Variants in GNAI1 observed in about 807,000 individuals in gnomAD.
GNAI1 encodes guanine nucleotide-binding protein G(i) subunit alpha-1.
In GNAI1, 11 loss-of-function variants were observed where a neutral mutation model predicts 38.9. The observed-to-expected ratio is 0.28, with a 90% CI of 0.18 to 0.47. The LOEUF (loss-of-function observed/expected upper bound fraction) is 0.47, where lower values mean the gene tolerates loss of function less well. GNAI1 is among the 20% of genes least tolerant of loss of function. The pLI is 0.99. For missense variants in GNAI1, 317 were observed against 436.9 expected (o/e 0.73, Z 2.45); for synonymous variants, 166 against 145.1 (o/e 1.14, Z -1.04).
chr7:80,202,741 C>T (rs920339477), intron 4 of GNAI1, among the ~76,000 whole-genome samples: 26 of 152,144 alleles, frequency 1.7e-4, no homozygotes, highest in African/African-American at 6.3e-4. Flanking sequence ...GTAATAAAAA[C>T]ACTGCGGTGA....
chr7:80,189,356 T>C (rs1208171426), intron 3 of GNAI1, 125 bp downstream of exon 3: 3 of 775,052 alleles, frequency 3.9e-6, no homozygotes, highest in East Asian at 2.6e-5. Flanking sequence ...ACCAAAAGGA[T>C]AGAAGTGAGT....
chr7:80,221,101 T>C lies in GNAI1; in HGVS notation c.*3608T>C, dbSNP rs192353635. On this transcript the variant is annotated 3_prime_UTR_variant, in exon 8 of 8. Transcript: ENST00000649796. Reference sequence around the variant, plus strand: ...AGATGGTAGCATCATCATTGCTTAGTGTGTTATGTTGGAAGTAGAAAGTGA... The same window carrying C: ...AGATGGTAGCATCATCATTGCTTAGCGTGTTATGTTGGAAGTAGAAAGTGA... Among the ~76,000 whole-genome samples, 1 of 152,252 alleles carries C rather than the reference T, an allele frequency of 6.6e-6. No homozygotes were observed. Among genetic ancestry groups the C allele is most frequent in the East Asian group, 1.9e-4 (1 of 5,176 alleles).
intron 1 of GNAI1, among the ~76,000 whole-genome samples, chr7:80,153,167 A>G (rs1787757960): frequency 1.3e-5 from 2 of 152,196 alleles, no homozygotes; most frequent in Admixed American, 1.3e-4. Context: ...CCTGCATGAT[A>G]GTGGTGGAGA....
chr7:80,149,441 T>G (rs1488576817), intron 1 of GNAI1, among the ~76,000 whole-genome samples: 2 of 152,152 alleles, frequency 1.3e-5, no homozygotes, highest in Admixed American at 6.5e-5. Context: ...TGGTCCAGTT[T>G]CTATCCCTAC....
At chr7:80,145,294 T>C (rs1186477488) in intron 1 of GNAI1, among the ~76,000 whole-genome samples, 1 of 152,224 alleles carries the variant, frequency 6.6e-6, no homozygotes, top group Non-Finnish European at 1.5e-5. Context: ...ATTGACTTTC[T>C]GATTGATATA....
chr7:80,173,868 G>GACA (rs1219176320), intron 1 of GNAI1, among the ~76,000 whole-genome samples: 41 of 152,262 alleles, frequency 2.7e-4, no homozygotes, highest in Admixed American at 8.5e-4. Flanking sequence ...CCCAGTGTCT[G>GACA]TCAACTCAGT....
intron 1 of GNAI1, among the ~76,000 whole-genome samples, chr7:80,183,985 T>TTTAAA (rs1788345494): frequency 1.3e-5 from 2 of 152,128 alleles, no homozygotes; most frequent in African/African-American, 4.8e-5. Context: ...TGGTGCTCCT[T>TTTAAA]TGTCCTCAGC....
rs565368688 is a variant in GNAI1, at chr7:80,221,886, C to T, written c.*4393C>T. Among the ~76,000 whole-genome samples the T allele has an allele frequency of 8.9e-4, 135 of 151,880 alleles. No individual in the cohort carries two copies. Among genetic ancestry groups the T allele is most frequent in the African/African-American group, 2.8e-3 (117 of 41,440 alleles). ...TGATCACCTGACCTTGTGATCTGAC[C>T]GCCTCGGCCTCCCAAAGTGCTGGGA... On this transcript the variant is annotated 3_prime_UTR_variant, in exon 8 of 8. Transcript: ENST00000649796.
intron 1 of GNAI1, among the ~76,000 whole-genome samples, chr7:80,177,955 A>G (rs1788219975): frequency 6.6e-6 from 1 of 152,256 alleles, no homozygotes; most frequent in Admixed American, 6.5e-5. Context: ...AAAAGGATTA[A>G]TCATTCTAGA....
rs765765135 is a variant in GNAI1 at position 80,223,359 on chromosome 7, G to A, written c.*5866G>A. 1.3e-5 allele frequency among the ~76,000 whole-genome samples: 2 copies of A among 152,112 alleles called. No homozygotes were observed. The highest frequency in any genetic ancestry group is 2.9e-5 in the Non-Finnish European group (2 of 68,008). ...TTTTGCAGTTATTTTTTACTAAGTTGACAAATGTTTGTACAATTTCAGTGT... is the reference window on the plus strand; with the variant it reads ...TTTTGCAGTTATTTTTTACTAAGTTAACAAATGTTTGTACAATTTCAGTGT... On this transcript the variant is annotated 3_prime_UTR_variant, in exon 8 of 8. Transcript: ENST00000649796.
At chr7:80,135,378 C>A (rs1426923635) in intron 1 of GNAI1, 100 bp downstream of exon 1, 1 of 647,444 alleles carries the variant, frequency 1.5e-6, no homozygotes, top group Non-Finnish European at 2.3e-6. Context: ...GGGGAGGAAG[C>A]GCCCGAGGAG....
chr7:80,196,591 T>C (rs1320817337), intron 3 of GNAI1, among the ~76,000 whole-genome samples: 1 of 152,016 alleles, frequency 6.6e-6, no homozygotes, highest in Admixed American at 6.6e-5. Flanking sequence ...CCCTAATTTG[T>C]ATGATTGGGT....
rs1010094381 is a variant in GNAI1 at position 80,178,785 on chromosome 7, C to T, written c.119-10166C>T. Among the ~76,000 whole-genome samples, 22 of 151,928 alleles carry T rather than the reference C, an allele frequency of 1.4e-4. No homozygotes were observed. The South Asian group carries it at 1.9e-3, about 13-fold the overall frequency. Reference sequence around the variant, plus strand: ...TACTGCAGTGGTTTTGAATAGAACCCGTAATATCTCTGAGGTATACCTGTA... The same window carrying T: ...TACTGCAGTGGTTTTGAATAGAACCTGTAATATCTCTGAGGTATACCTGTA... On this transcript the variant is annotated intron_variant, in intron 1 of 7. Coordinates refer to ENST00000649796, the MANE Select transcript of GNAI1 (RefSeq NM_002069.6).
At chr7:80,140,754 A>T (rs910737272) in intron 1 of GNAI1, among the ~76,000 whole-genome samples, 2 of 152,240 alleles carry the variant, frequency 1.3e-5, no homozygotes, top group Non-Finnish European at 2.9e-5. Flanking sequence ...ATGAATGTTC[A>T]TTACCATAAA....
chr7:80,204,812 A>G (rs1788745553), intron 5 of GNAI1, among the ~76,000 whole-genome samples: 1 of 152,160 alleles, frequency 6.6e-6, no homozygotes, highest in Non-Finnish European at 1.5e-5. Context: ...GCCTATGTAA[A>G]TATATATACA....
At chr7:80,176,155 C>T (rs769193430) in intron 1 of GNAI1, among the ~76,000 whole-genome samples, 8 of 152,202 alleles carry the variant, frequency 5.3e-5, no homozygotes, top group Non-Finnish European at 8.8e-5. Context: ...TAAAGTGAAA[C>T]AGCCTTATTG....
intron 1 of GNAI1, among the ~76,000 whole-genome samples, chr7:80,157,742 G>A (rs1459261325): frequency 2.0e-5 from 3 of 151,962 alleles, no homozygotes; most frequent in Non-Finnish European, 4.4e-5. Flanking sequence ...GTCTCACTCT[G>A]TCACCCAAGC....
chr7:80,208,338 G>A (rs1020765395), intron 5 of GNAI1, among the ~76,000 whole-genome samples: 2 of 152,138 alleles, frequency 1.3e-5, no homozygotes, highest in Non-Finnish European at 2.9e-5. Flanking sequence ...GTAGAGCAAT[G>A]AATAATGCTT....
intron 1 of GNAI1, among the ~76,000 whole-genome samples, chr7:80,171,008 A>T (rs1788090433): frequency 1.3e-5 from 2 of 152,170 alleles, no homozygotes; most frequent in Non-Finnish European, 2.9e-5. Flanking sequence ...TTGGAAAAGA[A>T]AATTCAGTTT....
Sources: allele counts gnomAD v4.1 joint callset (sites outside exome capture counted in the v4.1 genomes callset), GRCh38; gene constraint gnomAD v4.1.1; transcripts MANE v1.5; gene names NCBI Gene and HGNC (gene_info 2026-07-23, HGNC 2026-07-21).